ST18: variants seen among roughly 807,000 people sequenced by gnomAD.
ST18 encodes the protein ST18 C2H2C-type zinc finger transcription factor, also known as suppression of tumorigenicity 18 protein.
ST18 carries 50 observed loss-of-function variants against 110.0 expected under a neutral mutation model. That is an observed-to-expected ratio of 0.45 (90% confidence interval 0.36 to 0.58). The LOEUF is 0.58. Ranked by LOEUF, ST18 falls within the 20% of genes least tolerant of loss-of-function variation. The pLI is 0.00. For synonymous variants in ST18, 461 were observed against 452.4 expected (o/e 1.02, Z -0.24); for missense variants, 1,306 against 1,280.1 (o/e 1.02, Z -0.31).
At chr8:52,116,445 G>A in intron 24 of ST18, 27 bp from the exon 25 acceptor site, 1 of 1,601,052 alleles carries the variant, frequency 6.2e-7, no homozygotes, top group Non-Finnish European at 8.5e-7. Context: ...TTGGGAATGT[G>A]AGTAGTGGAG....
At chr8:52,363,087 C>T (rs1215858667) in intron 2 of ST18, among the ~76,000 whole-genome samples, 1 of 152,194 alleles carries the variant, frequency 6.6e-6, no homozygotes, top group Non-Finnish European at 1.5e-5. Context: ...TGGCGGGTGC[C>T]TGTAGTCACA....
rs114502916 is a variant in ST18, at chr8:52,321,078, G to A, written c.-465+88250C>T. The stretch of plus-strand genomic sequence containing the variant: ...CAAGTTGCAGAATGATCCTTTTAGC[G>A]TGTCACCAAAGTCACAGATTTTCAG... On this transcript the variant is annotated intron_variant, in intron 2 of 25. Transcript: ENST00000689386. Among the ~76,000 whole-genome samples the A allele has an allele frequency of 6.3e-3, 955 of 152,274 alleles. 8 individuals carry two copies. Among genetic ancestry groups the A allele is most frequent in the African/African-American group, 0.022 (901 of 41,554 alleles).
chr8:52,340,538 C>T (rs148910053), intron 2 of ST18, among the ~76,000 whole-genome samples: 161 of 152,332 alleles, frequency 1.1e-3, no homozygotes, highest in African/African-American at 3.7e-3. Context: ...GGGTTTTCAT[C>T]ATGTGTCAGT....
intron 2 of ST18, among the ~76,000 whole-genome samples, chr8:52,235,766 A>T (rs953009015): frequency 6.6e-6 from 1 of 152,188 alleles, no homozygotes; most frequent in African/African-American, 2.4e-5. Flanking sequence ...AGAAAATACA[A>T]ATGGGTAAAA....
chr8:52,367,527 T>C (rs1337992511), intron 2 of ST18, among the ~76,000 whole-genome samples: 2 of 152,194 alleles, frequency 1.3e-5, no homozygotes, highest in Non-Finnish European at 2.9e-5. Flanking sequence ...ATAAAGGTCA[T>C]TGATGTATGT....
At chr8:52,128,562 T>C (rs1183993545) in intron 22 of ST18, among the ~76,000 whole-genome samples, 1 of 152,190 alleles carries the variant, frequency 6.6e-6, no homozygotes, top group Non-Finnish European at 1.5e-5. Flanking sequence ...AAGGTAGTTA[T>C]TATATAAATA....
intron 2 of ST18, among the ~76,000 whole-genome samples, chr8:52,230,661 G>A (rs756402752): frequency 3.5e-5 from 5 of 141,622 alleles, no homozygotes; most frequent in Non-Finnish European, 6.1e-5. Context: ...ATTTCAAAAG[G>A]ATTTTTTTTA....
intron 19 of ST18, 107 bp downstream of exon 19, chr8:52,136,483 G>T: frequency 9.1e-7 from 1 of 1,100,262 alleles, no homozygotes; most frequent in South Asian, 1.5e-5. Flanking sequence ...ATCCTGGCAG[G>T]CAGGACATAC....
chr8:52,145,767 A>G (rs558203939), intron 16 of ST18, among the ~76,000 whole-genome samples: 23 of 152,348 alleles, frequency 1.5e-4, no homozygotes, highest in Non-Finnish European at 2.8e-4. Context: ...AGTAAAGACC[A>G]GGACATAATG....
chr8:52,184,191 G>T (rs182299505), intron 8 of ST18, among the ~76,000 whole-genome samples: 2 of 152,142 alleles, frequency 1.3e-5, no homozygotes, highest in African/African-American at 4.8e-5. Context: ...GCTCTGAAAT[G>T]TTAAGGAAAT....
chr8:52,206,876 C>T (rs2135750846), intron 8 of ST18: 1 of 152,322 alleles, frequency 6.6e-6, no homozygotes, highest in Admixed American at 6.5e-5. Flanking sequence ...TTTCTCCCTT[C>T]TTTTCTCTAA....
rs112929042 is a variant in ST18, at chr8:52,124,740, T to A, written c.2755+1312A>T. On this transcript the variant is annotated intron_variant, in intron 23 of 25. Transcript: ENST00000689386. ...TCCCCAGCAGCCAGGGCTTTATTTC[T>A]CCTCTGCATGTACACTCCCCTCCTT... 3.3e-3 allele frequency among the ~76,000 whole-genome samples: 504 copies of A among 152,132 alleles called. 5 individuals carry two copies. The highest frequency in any genetic ancestry group is 0.011 in the African/African-American group (477 of 41,498).
At chr8:52,191,161 A>G (rs2074339519) in intron 8 of ST18, among the ~76,000 whole-genome samples, 1 of 152,204 alleles carries the variant, frequency 6.6e-6, no homozygotes, top group African/African-American at 2.4e-5. Context: ...AACCTGGTAA[A>G]GCCAATGGTT....
intron 2 of ST18, among the ~76,000 whole-genome samples, chr8:52,363,013 C>T (rs1459375031): frequency 6.6e-6 from 1 of 152,120 alleles, no homozygotes; most frequent in Non-Finnish European, 1.5e-5. Context: ...AGATGGAGAC[C>T]ATCCTGGCTA....
chr8:52,373,578 T>A (rs1324606470), intron 2 of ST18, among the ~76,000 whole-genome samples: 1 of 151,734 alleles, frequency 6.6e-6, no homozygotes, highest in East Asian at 1.9e-4. Flanking sequence ...TGCATCCCAC[T>A]ACCTGCTAGC....
intron 10 of ST18, 162 bp downstream of exon 10, chr8:52,171,630 A>G (rs1287458096): frequency 3.8e-6 from 3 of 793,526 alleles, no homozygotes; most frequent in Non-Finnish European, 6.3e-6. Context: ...TAATCTAGAG[A>G]GTGGGGGAAA....
intron 2 of ST18, among the ~76,000 whole-genome samples, chr8:52,265,057 C>T (rs1014176651): frequency 6.6e-6 from 1 of 152,072 alleles, no homozygotes; most frequent in African/African-American, 2.4e-5. Context: ...TAAAGCTGCA[C>T]GATGGAGCTG....
intron 2 of ST18, among the ~76,000 whole-genome samples, chr8:52,234,928 C>T (rs548082707): frequency 7.9e-5 from 12 of 151,828 alleles, no homozygotes; most frequent in African/African-American, 1.7e-4. Context: ...GATGCAAAGG[C>T]GTAAGAATGA....
chr8:52,399,154 T>G (rs1267277225), intron 2 of ST18, among the ~76,000 whole-genome samples: 1 of 152,092 alleles, frequency 6.6e-6, no homozygotes, highest in Non-Finnish European at 1.5e-5. Flanking sequence ...TTCTTCCTGA[T>G]TCAATCTTGG....
Sources: allele counts gnomAD v4.1 joint callset (sites outside exome capture counted in the v4.1 genomes callset), GRCh38; gene constraint gnomAD v4.1.1; transcripts MANE v1.5; gene names NCBI Gene and HGNC (gene_info 2026-07-23, HGNC 2026-07-21).